The following KIF26B variants were observed in gnomAD, a reference collection of about 807,000 sequenced individuals.
KIF26B encodes kinesin family member 26B.
In KIF26B, 63 loss-of-function variants were observed where a neutral mutation model predicts 151.2. That is an observed-to-expected ratio of 0.42 (90% CI 0.34 to 0.51). KIF26B has a LOEUF of 0.51. Among genes scored for constraint, KIF26B ranks in the 20% least tolerant of loss-of-function variants. KIF26B has a pLI of 0.07. For missense variants in KIF26B, 2,813 were observed against 2,913.6 expected (o/e 0.97, Z 0.79); for synonymous variants, 1,357 against 1,262.1 (o/e 1.08, Z -1.59).
At position 245,688,302 on chromosome 1, in the gene KIF26B, G is replaced by A. The variant is rs2044566115; in HGVS notation, c.5319G>A (p.Ser1773=). Residue 1773 remains serine, a synonymous_variant, in exon 12 of 15, where the codon TCG becomes TCA. Coordinates refer to ENST00000407071, the MANE Select transcript of KIF26B (RefSeq NM_018012.4). The part of the protein sequence containing the change: ...LPQAVGQGSS[S]PPGGKHTPWS... ...AGGCGGTGGGCCAGGGCTCCAGCTC[G>A]CCCCCCGGTGGGAAGCACACGCCCT... 1 of 1,595,656 alleles carries A rather than the reference G, an allele frequency of 6.3e-7. No homozygotes were observed. Among genetic ancestry groups the A allele is most frequent in the South Asian group, 1.1e-5 (1 of 90,528 alleles).
In KIF26B at chr1:245,366,968, G is replaced by C; in HGVS notation, c.600G>C (p.Gln200His). The change falls in exon 3 of 15, where the codon CAG (glutamine) becomes CAC (histidine). Residue 200 changes from glutamine (Q) to histidine (H), a missense_variant. Transcript: ENST00000407071. ...ACCAGTTGAAGCAGGAGGCCATCCAGATGGTGCTGACGTTGGAGCAGGCAG... is the reference window on the plus strand; with the variant it reads ...ACCAGTTGAAGCAGGAGGCCATCCACATGGTGCTGACGTTGGAGCAGGCAG... ...HLNQLKQEAIQMVLTLEQAAG... is the reference protein window; with the variant it reads ...HLNQLKQEAIHMVLTLEQAAG... 6.2e-7 allele frequency: 1 copy of C among 1,614,038 alleles called. No homozygotes were observed. Among genetic ancestry groups the C allele is most frequent in the Non-Finnish European group, 8.5e-7 (1 of 1,179,902 alleles).
chr1:245,611,468 C>T (rs944059327), intron 8 of KIF26B, among the ~76,000 whole-genome samples: 6 of 152,156 alleles, frequency 3.9e-5, no homozygotes, highest in Non-Finnish European at 7.3e-5. Flanking sequence ...GTTGGTTTGC[C>T]GCCCTCTGCA....
intron 4 of KIF26B, among the ~76,000 whole-genome samples, chr1:245,447,980 AC>A (rs1295664538): frequency 1.3e-5 from 2 of 152,088 alleles, no homozygotes; most frequent in African/African-American, 4.8e-5. Flanking sequence ...CTACCCTACC[AC>A]CAGCTCGCCC....
chr1:245,228,013 A>G (rs1359012753), intron 2 of KIF26B, among the ~76,000 whole-genome samples: 1 of 152,132 alleles, frequency 6.6e-6, no homozygotes. Context: ...AAAACAAAAC[A>G]AACACACTGT....
intron 2 of KIF26B, among the ~76,000 whole-genome samples, chr1:245,159,246 TTAAA>T (rs1668496376): frequency 6.6e-6 from 1 of 152,206 alleles, no homozygotes; most frequent in Non-Finnish European, 1.5e-5. Flanking sequence ...AAATATTTTC[TTAAA>T]TAGAGTGTTA....
chr1:245,348,751 C>T (rs1558397818), intron 2 of KIF26B, among the ~76,000 whole-genome samples: 1 of 152,158 alleles, frequency 6.6e-6, no homozygotes, highest in Non-Finnish European at 1.5e-5. Flanking sequence ...ACCATCTCCC[C>T]TCCTCATTCA....
rs182682519 is a variant in KIF26B at position 245,196,939 on chromosome 1, A to G, written c.465+40256A>G. ...TCTGGATGGTAAACTCTTTAAGAGG[A>G]ACAAAATATAGCTCCTTCGGTGTTT... On this transcript the variant is annotated intron_variant, in intron 2 of 14. Coordinates refer to ENST00000407071, the MANE Select transcript of KIF26B (RefSeq NM_018012.4). Among the ~76,000 whole-genome samples the G allele has an allele frequency of 2.6e-5, 4 of 152,288 alleles. No homozygotes were observed. In the East Asian group the frequency reaches 7.7e-4, roughly 29 times the overall value.
At chr1:245,610,989 T>C (rs974460862) in intron 8 of KIF26B, among the ~76,000 whole-genome samples, 6 of 152,170 alleles carry the variant, frequency 3.9e-5, no homozygotes, top group Non-Finnish European at 5.9e-5. Context: ...TTGCCTTTTC[T>C]CCCCAAAAAG....
intron 3 of KIF26B, among the ~76,000 whole-genome samples, chr1:245,413,624 C>T (rs1348630516): frequency 1.3e-5 from 2 of 152,208 alleles, no homozygotes; most frequent in Non-Finnish European, 2.9e-5. Flanking sequence ...GATTGCACCA[C>T]TGCACTCCAG....
rs760515610 is a variant in KIF26B at position 245,218,338 on chromosome 1, G to A, written c.465+61655G>A. On this transcript the variant is annotated intron_variant, in intron 2 of 14. Transcript: ENST00000407071. The surrounding 1 kb of genome is among the most constrained non-coding windows in gnomAD (Gnocchi z 4.1). The stretch of plus-strand genomic sequence containing the variant: ...AAGATAAACAGGGATAGTAGCAGCA[G>A]TTGTCACTCTGAGGGAGGGAAGGGG... Among the ~76,000 whole-genome samples the A allele has an allele frequency of 4.6e-5, 7 of 151,682 alleles. No homozygotes were observed. Among genetic ancestry groups the A allele is most frequent in the Non-Finnish European group, 1.0e-4 (7 of 68,008 alleles).
rs991912226 is a variant in KIF26B, at chr1:245,227,894, TAGG to T, written c.465+71215_465+71217del. Among the ~76,000 whole-genome samples the T allele has an allele frequency of 3.3e-5, 5 of 151,850 alleles. No homozygotes were observed. Among genetic ancestry groups the T allele is most frequent in the Admixed American group, 6.6e-5 (1 of 15,252 alleles). ...GCGGGCACCTGTAATCCCAGCTACTTAGGAGGCTGAGGCAGGAGAATCGCTTGA... is the reference window on the plus strand; with the variant it reads ...GCGGGCACCTGTAATCCCAGCTACTTAGGCTGAGGCAGGAGAATCGCTTGA... On this transcript the variant is annotated intron_variant, in intron 2 of 14. Coordinates refer to ENST00000407071, the MANE Select transcript of KIF26B (RefSeq NM_018012.4). The surrounding 1 kb of genome is among the most constrained non-coding windows in gnomAD (Gnocchi z 4.1).
chr1:245,589,457 C>G (rs1300982176), intron 5 of KIF26B, among the ~76,000 whole-genome samples: 1 of 152,198 alleles, frequency 6.6e-6, no homozygotes, highest in Non-Finnish European at 1.5e-5. Context: ...ACCCCTAGCT[C>G]CTTCTGCAGG....
intron 2 of KIF26B, among the ~76,000 whole-genome samples, chr1:245,271,781 CTG>C (rs1573745356): frequency 1.3e-5 from 2 of 151,916 alleles, no homozygotes; most frequent in Non-Finnish European, 1.5e-5. Flanking sequence ...ATTTGTGTAT[CTG>C]TATTCATCAG....
chr1:245,413,799 C>T (rs750380179), intron 3 of KIF26B, among the ~76,000 whole-genome samples: 1 of 152,108 alleles, frequency 6.6e-6, no homozygotes, highest in Non-Finnish European at 1.5e-5. Flanking sequence ...AGGAAGTGGT[C>T]CTGAAGGGGA....
intron 2 of KIF26B, among the ~76,000 whole-genome samples, chr1:245,184,050 G>GTTTTGTTTTTTTTTTTTTTTTTTTTTTT (rs1553332273): frequency 8.1e-4 from 16 of 19,810 alleles, no homozygotes; most frequent in Admixed American, 2.1e-3. Flanking sequence ...GGGAGTTGTT[G>GTTTTGTTTTTTTTTTTTTTTTTTTTTTT]TTTTTTTTTT....
chr1:245,434,101 A>G (rs574601713), intron 4 of KIF26B, among the ~76,000 whole-genome samples: 2 of 152,208 alleles, frequency 1.3e-5, no homozygotes, highest in East Asian at 3.9e-4. Flanking sequence ...TCCATTTATT[A>G]TCATAGTCAT....
chr1:245,662,595 A>ACATATG, intron 10 of KIF26B, among the ~76,000 whole-genome samples: 1 of 87,854 alleles, frequency 1.1e-5, no homozygotes, highest in Non-Finnish European at 2.5e-5. Flanking sequence ...ACCCAATGAT[A>ACATATG]TATACACAGA....
intron 9 of KIF26B, among the ~76,000 whole-genome samples, chr1:245,636,616 T>G (rs556819727): frequency 6.0e-4 from 92 of 152,166 alleles, no homozygotes; most frequent in South Asian, 1.7e-3. Flanking sequence ...AACTGTATGT[T>G]TGTACCTGCT....
intron 10 of KIF26B, among the ~76,000 whole-genome samples, chr1:245,662,308 T>C (rs2044154963): frequency 6.9e-6 from 1 of 144,926 alleles, no homozygotes; most frequent in African/African-American, 2.6e-5. Flanking sequence ...ACACACCCTA[T>C]ATATATTTAC....
Sources: allele counts gnomAD v4.1 joint callset (sites outside exome capture counted in the v4.1 genomes callset), GRCh38; gene constraint gnomAD v4.1.1; non-coding constraint Gnocchi (gnomAD v3.1); transcripts MANE v1.5; gene names NCBI Gene and HGNC (gene_info 2026-07-23, HGNC 2026-07-21).